Variants in GOLGA7 observed in about 807,000 individuals in gnomAD.
The protein encoded by GOLGA7 is golgin subfamily A member 7.
In GOLGA7, 10 loss-of-function variants were observed where a neutral mutation model predicts 21.1. That is an observed-to-expected ratio of 0.47 (90% CI 0.29 to 0.80). The LOEUF (loss-of-function observed/expected upper bound fraction) is 0.80. Ranked by LOEUF, GOLGA7 falls within the 30% of genes least tolerant of loss-of-function variation. The pLI is 0.08. For synonymous variants in GOLGA7, 64 were observed against 62.6 expected (o/e 1.02, Z -0.10); for missense variants, 114 against 166.8 (o/e 0.68, Z 1.74).
At chr8:41,500,925 A>G (rs1806135453) in intron 2 of GOLGA7, among the ~76,000 whole-genome samples, 1 of 152,198 alleles carries the variant, frequency 6.6e-6, no homozygotes, top group African/African-American at 2.4e-5. Context: ...GTAGGAGGGG[A>G]GGGTAAAGCT....
At chr8:41,494,556 C>T (rs12679812) in intron 1 of GOLGA7, among the ~76,000 whole-genome samples, 31,798 of 152,038 alleles carry the variant, frequency 0.21, 4,395 homozygotes, top group South Asian at 0.39. Flanking sequence ...AACAGCTTAC[C>T]ATTTTTGTTT....
intron 1 of GOLGA7, among the ~76,000 whole-genome samples, chr8:41,491,462 C>T (rs1337134392): frequency 1.3e-5 from 2 of 152,172 alleles, no homozygotes; most frequent in Admixed American, 6.5e-5. Flanking sequence ...GCGGTGCGTT[C>T]AGGCTTTCTT....
At chr8:41,504,131 A>AAAC (rs1164956528) in intron 2 of GOLGA7, among the ~76,000 whole-genome samples, 11 of 131,962 alleles carry the variant, frequency 8.3e-5, no homozygotes, top group Admixed American at 2.3e-4. Flanking sequence ...AAAAAAAAAA[A>AAAC]AAAAACAAAA....
chr8:41,497,256 A>C (rs1165797745), intron 1 of GOLGA7, among the ~76,000 whole-genome samples: 1 of 151,990 alleles, frequency 6.6e-6, no homozygotes, highest in African/African-American at 2.4e-5. Context: ...TGGAAAGAGG[A>C]ATAGAGCCTA....
At chr8:41,502,770 T>C (rs1806180610) in intron 2 of GOLGA7, 1 of 152,222 alleles carries the variant, frequency 6.6e-6, no homozygotes. Flanking sequence ...CAGTAGTTTT[T>C]CCAAGGTTTG....
chr8:41,507,380 G>A (rs1806311221), intron 4 of GOLGA7, among the ~76,000 whole-genome samples: 1 of 152,034 alleles, frequency 6.6e-6, no homozygotes, highest in Admixed American at 6.6e-5. Context: ...TTGTTACTTT[G>A]GTGGGGGAAT....
Position 41,490,776 on chromosome 8 carries a change from A to C in GOLGA7, c.-79A>C. 1.3e-6 allele frequency: 1 copy of C among 742,674 alleles called. No individual in the cohort carries two copies. The highest frequency in any genetic ancestry group is 1.7e-5 in the South Asian group (1 of 58,554). 46.0% of individuals were successfully genotyped at this position (742,674 alleles called of 1,614,324 possible). Reference sequence around the variant, plus strand: ...TGGGGGCGAGGGGCTGGCGGGTCAGAGTCCCGGGTCCAGGCCGGGGCTCTG... The same window carrying C: ...TGGGGGCGAGGGGCTGGCGGGTCAGCGTCCCGGGTCCAGGCCGGGGCTCTG... On this transcript the variant is annotated 5_prime_UTR_variant, in exon 1 of 5. Coordinates refer to ENST00000357743, the MANE Select transcript of GOLGA7 (RefSeq NM_001002296.2).
At position 41,497,514 on chromosome 8, in the gene GOLGA7, T is replaced by C. The variant is rs1431693804; in HGVS notation, c.117T>C (p.Asp39=). The change falls in exon 2 of 5, where the codon GAT becomes GAC. Residue 39 remains aspartate (D), a synonymous_variant. Coordinates refer to ENST00000357743, the MANE Select transcript of GOLGA7 (RefSeq NM_001002296.2). Reference sequence around the variant, plus strand: ...AAATATTTTCTTCTCTACAGATTGATAGGCAGCAGTTTGAAGAAACAGTTC... The same window carrying C: ...AAATATTTTCTTCTCTACAGATTGACAGGCAGCAGTTTGAAGAAACAGTTC... ...KFPAELENRI[D]RQQFEETVRT... is the part of the protein sequence containing the mutation. The C allele has an allele frequency of 1.3e-6, 2 of 1,523,374 alleles. No homozygotes were observed. Among genetic ancestry groups the C allele is most frequent in the Admixed American group, 3.7e-5 (2 of 54,542 alleles). 94.4% of individuals were successfully genotyped at this position (1,523,374 alleles called of 1,614,324 possible).
At chr8:41,496,803 G>GC (rs1480905052) in intron 1 of GOLGA7, among the ~76,000 whole-genome samples, 1 of 64,520 alleles carries the variant, frequency 1.5e-5, no homozygotes, top group Non-Finnish European at 3.0e-5. Context: ...TCAGTTTATT[G>GC]CTTTTTTTTT....
intron 2 of GOLGA7, among the ~76,000 whole-genome samples, chr8:41,498,840 G>A (rs559819627): frequency 2.7e-4 from 41 of 152,112 alleles, no homozygotes; most frequent in African/African-American, 9.9e-4. Context: ...TTGAATGTAT[G>A]TTAAATAAAT....
chr8:41,505,862 G>A, intron 2 of GOLGA7, 49 bp from the exon 3 acceptor site: 1 of 987,486 alleles, frequency 1.0e-6, no homozygotes, highest in South Asian at 1.4e-5. Flanking sequence ...AACACTTAAA[G>A]GGAAATCTGA....
At chr8:41,503,929 A>G (rs934157672) in intron 2 of GOLGA7, among the ~76,000 whole-genome samples, 1 of 149,150 alleles carries the variant, frequency 6.7e-6, no homozygotes, top group Admixed American at 6.8e-5. Flanking sequence ...ATGAGATCAC[A>G]TGGACACAGG....
intron 1 of GOLGA7, among the ~76,000 whole-genome samples, chr8:41,495,806 G>A (rs1379292671): frequency 6.6e-6 from 1 of 152,198 alleles, no homozygotes; most frequent in Non-Finnish European, 1.5e-5. Context: ...AGTATTGGAT[G>A]ATTGCTCTCC....
chr8:41,498,395 T>C (rs1036255025), intron 2 of GOLGA7, among the ~76,000 whole-genome samples: 16 of 152,174 alleles, frequency 1.1e-4, no homozygotes, highest in African/African-American at 3.6e-4. Flanking sequence ...GATTCCCATG[T>C]TTTACCACTG....
intron 2 of GOLGA7, among the ~76,000 whole-genome samples, chr8:41,499,904 C>T (rs945686995): frequency 2.6e-5 from 4 of 152,200 alleles, no homozygotes; most frequent in African/African-American, 7.2e-5. Flanking sequence ...TTAAAGGGAC[C>T]GTGCTCTTCC....
intron 1 of GOLGA7, among the ~76,000 whole-genome samples, chr8:41,494,080 TTTTC>T (rs1344544210): frequency 6.6e-6 from 1 of 152,246 alleles, no homozygotes; most frequent in African/African-American, 2.4e-5. Flanking sequence ...TATCCTTTCT[TTTTC>T]TTTTTTTATT....
chr8:41,497,798 G>A, intron 2 of GOLGA7, 137 bp downstream of exon 2: 2 of 582,868 alleles, frequency 3.4e-6, no homozygotes, highest in Non-Finnish European at 6.2e-6. Flanking sequence ...TTGTTCCTGT[G>A]TACAGAGGCA....
At position 41,505,999 on chromosome 8, in the gene GOLGA7, G is replaced by A. The variant is rs1309748371; in HGVS notation, c.353G>A (p.Arg118Gln). ...QGLLLTDPIE[R>Q]GLRVIEITIY... ...CTCCTCCTGACAGACCCTATTGAGC[G>A]AGGACTGCGAGTTGTATCTTTTTAG... Residue 118 changes from arginine to glutamine, a missense_variant, in exon 3 of 5, where the codon CGA (arginine) becomes CAA (glutamine). Arg to Gln is a conservative substitution (Grantham distance 43). Coordinates refer to ENST00000357743, the MANE Select transcript of GOLGA7 (RefSeq NM_001002296.2). 3.3e-6 allele frequency: 5 copies of A among 1,520,600 alleles called. No homozygotes were observed. The highest frequency in any genetic ancestry group is 2.7e-6 in the Non-Finnish European group (3 of 1,099,994). The allele number at this position is 1,520,600 out of a possible 1,614,324, so 94.2% of individuals were successfully genotyped here. A position where few individuals can be genotyped will look rare whatever the true frequency, so the allele number is the denominator to read the frequency against.
At chr8:41,496,165 T>C (rs1352280820) in intron 1 of GOLGA7, among the ~76,000 whole-genome samples, 1 of 152,130 alleles carries the variant, frequency 6.6e-6, no homozygotes, top group African/African-American at 2.4e-5. Flanking sequence ...AGACAAAGTG[T>C]GTGTACACTG....
Sources: gnomAD v4.1 joint callset for allele counts (sites outside exome capture counted in the v4.1 genomes callset) on GRCh38, gnomAD v4.1.1 for gene constraint, MANE v1.5 for transcripts, NCBI Gene and HGNC (gene_info 2026-07-23, HGNC 2026-07-21) for gene names.